SLC28A3: variants seen among roughly 807,000 people sequenced by gnomAD.
SLC28A3 encodes solute carrier family 28 member 3.
A neutral mutation model predicts 84.2 loss-of-function variants in SLC28A3; 68 were observed. That is an observed-to-expected ratio of 0.81 (90% confidence interval 0.66 to 0.99). The LOEUF is 0.99. Among genes scored for constraint, SLC28A3 ranks in the 50% least tolerant of loss-of-function variants. The pLI, the probability that SLC28A3 is intolerant of heterozygous loss-of-function variation, is 0.00. For synonymous variants in SLC28A3, 267 were observed against 303.6 expected, an observed-to-expected ratio of 0.88 and a Z score of 1.25; for missense variants, 712 against 841.5, an observed-to-expected ratio of 0.85 and a Z score of 1.90.
chr9:84,339,817 C>G (rs1293471315), intron 1 of SLC28A3, among the ~76,000 whole-genome samples: 2 of 152,132 alleles, frequency 1.3e-5, no homozygotes, highest in Admixed American at 1.3e-4. Context: ...CTGTCAAAGC[C>G]CTTTTACCTC....
chr9:84,350,761 G>A, the SLC28A3 span, among the ~76,000 whole-genome samples: 1 of 152,024 alleles, frequency 6.6e-6, no homozygotes, highest in East Asian at 1.9e-4. Flanking sequence ...ACCCAGGCTG[G>A]AGCACAGTGG....
At chr9:84,285,811 G>C in intron 13 of SLC28A3, 132 bp downstream of exon 13, 1 of 1,100,806 alleles carries the variant, frequency 9.1e-7, no homozygotes, top group Non-Finnish European at 1.3e-6. Context: ...GGGAAGTTGG[G>C]GGATGCATGA....
Position 84,279,365 on chromosome 9 carries a change from C to T in SLC28A3, c.1849G>A (p.Val617Met), listed in dbSNP as rs764100543. The T allele has an allele frequency of 6.2e-7, 1 of 1,610,166 alleles. No homozygotes were observed. The highest frequency in any genetic ancestry group is 1.7e-5 in the Admixed American group (1 of 59,720). Residue 617 changes from valine to methionine, a missense_variant, in exon 17 of 18, where the codon GTG (valine) becomes ATG (methionine). Val to Met is a conservative substitution (Grantham distance 21). Coordinates refer to ENST00000376238, the MANE Select transcript of SLC28A3 (RefSeq NM_001199633.2). ...CIAGILSSTPVDINCHHVLEN... is the reference protein window; with the variant it reads ...CIAGILSSTPMDINCHHVLEN... ...AAAACGTGATGGCAGTTGATGTCCA[C>T]AGGAGTGCTGGAGAGTATGCCTAGA...
chr9:84,335,120 A>G (rs894949191), intron 1 of SLC28A3, among the ~76,000 whole-genome samples: 2 of 152,176 alleles, frequency 1.3e-5, no homozygotes, highest in Non-Finnish European at 2.9e-5. Context: ...AGGTGAACGT[A>G]TGCTACAAGC....
the SLC28A3 span, among the ~76,000 whole-genome samples, chr9:84,358,422 G>A: frequency 6.6e-6 from 1 of 152,072 alleles, no homozygotes; most frequent in Non-Finnish European, 1.5e-5. Flanking sequence ...TCAATCCCCT[G>A]TATGACCTGT....
chr9:84,280,174 C>CTTTTTTTT (rs35540005), intron 15 of SLC28A3, 101 bp from the exon 16 acceptor site: 3 of 645,632 alleles, frequency 4.6e-6, no homozygotes. Context: ...GGTCAGCTGA[C>CTTTTTTTT]TTTTTTTTTT....
intron 10 of SLC28A3, 104 bp from the exon 11 acceptor site, chr9:84,290,383 C>G: frequency 1.4e-6 from 2 of 1,428,910 alleles, no homozygotes; most frequent in Non-Finnish European, 1.9e-6. Context: ...CAGACAGTTT[C>G]TAAGAGTGAA....
intron 5 of SLC28A3, 112 bp downstream of exon 5, chr9:84,302,088 C>T: frequency 1.0e-6 from 1 of 997,594 alleles, no homozygotes; most frequent in Non-Finnish European, 1.5e-6. Flanking sequence ...TAGGGTGTTT[C>T]TAGCTTCCAT....
At chr9:84,283,751 G>A (rs568530737) in intron 14 of SLC28A3, among the ~76,000 whole-genome samples, 2 of 152,206 alleles carry the variant, frequency 1.3e-5, no homozygotes. Context: ...GTTGGCATGG[G>A]CATAATTCAG....
At chr9:84,337,783 A>C (rs1827033671) in intron 1 of SLC28A3, among the ~76,000 whole-genome samples, 1 of 152,122 alleles carries the variant, frequency 6.6e-6, no homozygotes, top group South Asian at 2.1e-4. Context: ...GGTACAATAA[A>C]ATGAGATTAG....
At chr9:84,363,252 A>G in the SLC28A3 span, among the ~76,000 whole-genome samples, 251 of 152,356 alleles carry the variant, frequency 1.6e-3, no homozygotes, top group Non-Finnish European at 2.8e-3. Flanking sequence ...GAACGAAGGT[A>G]CAGGAGCTTA....
chr9:84,307,437 A>AACAAAAAC (rs1554726622), intron 3 of SLC28A3, among the ~76,000 whole-genome samples: 4 of 111,008 alleles, frequency 3.6e-5, no homozygotes, highest in Non-Finnish European at 3.9e-5. Context: ...TCTCAAAAAA[A>AACAAAAAC]AAAAAAAACA....
At chr9:84,326,415 A>C (rs1313125368) in intron 1 of SLC28A3, among the ~76,000 whole-genome samples, 1 of 152,168 alleles carries the variant, frequency 6.6e-6, no homozygotes, top group African/African-American at 2.4e-5. Flanking sequence ...CAAAACCTAG[A>C]GCTTGAGAAC....
rs1465514587 is a variant in SLC28A3 at position 84,340,611 on chromosome 9, G to A, written c.23C>T (p.Ala8Val). The A allele has an allele frequency of 6.8e-6, 11 of 1,614,160 alleles. No homozygotes were observed. The highest frequency in any genetic ancestry group is 2.2e-5 in the East Asian group (1 of 44,874). The change falls in exon 1 of 18, where the codon GCC becomes GTC. Residue 8 changes from alanine (A) to valine (V), a missense_variant. Physicochemically the swap from Ala to Val is moderately conservative, Grantham distance 64 (BLOSUM62 0). Coordinates refer to ENST00000376238, the MANE Select transcript of SLC28A3 (RefSeq NM_001199633.2). ...GTTGCTGTAGCCCTCAGCTCTGGGG[G>A]CTGCTGTACTCCTCAGCTCCATGCT... MELRSTAAPRAEGYSNVG... is the reference protein window; with the variant it reads MELRSTAVPRAEGYSNVG...
In SLC28A3 at chr9:84,280,037, G is replaced by C; in HGVS notation, c.1766C>G (p.Ser589Trp). 3 of 1,613,968 alleles carry C rather than the reference G, an allele frequency of 1.9e-6. No homozygotes were observed. Among genetic ancestry groups the C allele is most frequent in the Non-Finnish European group, 2.5e-6 (3 of 1,180,018 alleles). ...MAPSRKRDIASGAVRALIAGT... is the reference protein window; with the variant it reads ...MAPSRKRDIAWGAVRALIAGT... ...CGCAATCAGAGCTCTCACTGCCCCC[G>C]AGGCGATATCACGCTTTCTGGAAGG... Residue 589 changes from serine to tryptophan, a missense_variant, in exon 16 of 18, where the codon TCG becomes TGG. Coordinates refer to ENST00000376238, the MANE Select transcript of SLC28A3 (RefSeq NM_001199633.2).
intron 15 of SLC28A3, 110 bp downstream of exon 15, chr9:84,280,691 G>T: frequency 9.9e-7 from 1 of 1,005,606 alleles, no homozygotes. Flanking sequence ...GAGGACTCAT[G>T]ACTGTTGCAA....
Position 84,278,247 on chromosome 9 carries a change from TA to T in SLC28A3, c.2046del (p.Phe682LeufsTer25), listed in dbSNP as rs772581951. ...AATGTATTAGAGATCCCATTGCAGTTAAAGGTCGATGGATTCAACAATGTGC... is the reference window on the plus strand; with the variant it reads ...AATGTATTAGAGATCCCATTGCAGTTAAGGTCGATGGATTCAACAATGTGC... ...GCCTLLNPST[F>X]NCNGISNTF On this transcript the variant is annotated frameshift_variant, in exon 18 of 18. Coordinates refer to ENST00000376238, the MANE Select transcript of SLC28A3 (RefSeq NM_001199633.2). LOFTEE classifies it high-confidence loss of function. The T allele has an allele frequency of 6.2e-7, 1 of 1,614,060 alleles. No homozygotes were observed. The highest frequency in any genetic ancestry group is 1.1e-5 in the South Asian group (1 of 91,060).
chr9:84,317,638 T>G (rs1826219723), intron 1 of SLC28A3, among the ~76,000 whole-genome samples: 1 of 152,088 alleles, frequency 6.6e-6, no homozygotes, highest in Non-Finnish European at 1.5e-5. Context: ...GAGCCTTTCT[T>G]CACTATAGAA....
At chr9:84,296,313 AC>A (rs1825414053) in intron 8 of SLC28A3, among the ~76,000 whole-genome samples, 1 of 152,176 alleles carries the variant, frequency 6.6e-6, no homozygotes, top group South Asian at 2.1e-4. Flanking sequence ...CAGGCTTCTT[AC>A]AAACAGCAGA....
Sources: allele counts gnomAD v4.1 joint callset (sites outside exome capture counted in the v4.1 genomes callset), GRCh38; gene constraint gnomAD v4.1.1; transcripts MANE v1.5; gene names NCBI Gene and HGNC (gene_info 2026-07-23, HGNC 2026-07-21).